CELSR1: variants seen among roughly 807,000 people sequenced by gnomAD.
CELSR1 encodes adhesion G protein-coupled receptor C1.
A neutral mutation model predicts 249.1 loss-of-function variants in CELSR1; 110 were observed. That is an observed-to-expected ratio of 0.44 (90% CI 0.38 to 0.52). CELSR1 has a LOEUF of 0.52. CELSR1 is among the 20% of genes least tolerant of loss of function. CELSR1 has a pLI of 0.00. For missense variants in CELSR1, 4,109 were observed against 4,296.4 expected, an observed-to-expected ratio of 0.96 and a Z score of 1.22; for synonymous variants, 2,113 against 1,900.0, an observed-to-expected ratio of 1.11 and a Z score of -2.92.
rs59465375 is a variant in CELSR1, at chr22:46,525,943, C to T, written c.3544+7684G>A. On this transcript the variant is annotated intron_variant, in intron 1 of 34. Coordinates refer to ENST00000674500, the MANE Select transcript of CELSR1 (RefSeq NM_001378328.1). The stretch of plus-strand genomic sequence containing the variant: ...GCGTGGCCAGCACCGCCCCTCCTGC[C>T]GGCTCCTGCCCAGGGCTTTGGGAAC... 6.0e-3 allele frequency among the ~76,000 whole-genome samples: 918 copies of T among 152,360 alleles called. 11 individuals are homozygous for T. The highest frequency in any genetic ancestry group is 0.02 in the African/African-American group (848 of 41,574).
At chr22:46,485,925 G>C (rs2080308284) in intron 1 of CELSR1, among the ~76,000 whole-genome samples, 1 of 141,576 alleles carries the variant, frequency 7.1e-6, no homozygotes, top group South Asian at 2.4e-4. Flanking sequence ...TAACCTTTCA[G>C]GTACTTTTTT....
In CELSR1 at chr22:46,402,019, C is replaced by T. The variant is rs537063702; in HGVS notation, c.5227-2117G>A. Among the ~76,000 whole-genome samples the T allele has an allele frequency of 4.0e-5, 6 of 151,870 alleles. No homozygotes were observed. The highest frequency in any genetic ancestry group is 1.9e-4 in the East Asian group (1 of 5,134). On this transcript the variant is annotated intron_variant, in intron 9 of 34. Transcript: ENST00000674500. This position sits in a 1 kb window ranked among gnomAD's most constrained non-coding sequence, Gnocchi z 5.0. Reference sequence around the variant, plus strand: ...AGGAGAATTGCTTGAACTCGGGAGGCGGAGGTAGCAGTGAACCGAGATCAC... The same window carrying T: ...AGGAGAATTGCTTGAACTCGGGAGGTGGAGGTAGCAGTGAACCGAGATCAC...
chr22:46,369,652 G>A (rs1419958137), intron 26 of CELSR1, 40 bp downstream of exon 26: 2 of 1,582,310 alleles, frequency 1.3e-6, no homozygotes, highest in Non-Finnish European at 8.7e-7. Context: ...GCTCATGCAT[G>A]TTTGGGGCAC....
chr22:46,534,358 T>G lies in CELSR1; in HGVS notation c.2813A>C (p.Asp938Ala), dbSNP rs749389671. Residue 938 changes from aspartate to alanine, a missense_variant, in exon 1 of 35, where the codon GAT (aspartate) becomes GCT (alanine). Physicochemically the swap from Asp to Ala is moderately radical, Grantham distance 126. Around this residue, in one of 7 missense-constraint regions of CELSR1, gnomAD observed 886 missense variants for 896.5 expected, o/e 0.99. Transcript: ENST00000674500. This position sits in a 1 kb window ranked among gnomAD's most constrained non-coding sequence, Gnocchi z 9.7. ...CGTGGGCTCGATGTAGAAGTCCCCATCGCCGTCGTCCCCACCCTGGAAGGT... is the reference window on the plus strand; with the variant it reads ...CGTGGGCTCGATGTAGAAGTCCCCAGCGCCGTCGTCCCCACCCTGGAAGGT... ...LYTFQGGDDG[D>A]GDFYIEPTSG... 1 of 1,612,792 alleles carries G rather than the reference T, an allele frequency of 6.2e-7. No homozygotes were observed. The highest frequency in any genetic ancestry group is 8.5e-7 in the Non-Finnish European group (1 of 1,180,026).
chr22:46,399,694 A>T lies in CELSR1; in HGVS notation c.5412+23T>A, dbSNP rs1279379535. On this transcript the variant is annotated intron_variant, in intron 10 of 34. Transcript: ENST00000674500. This position sits in a 1 kb window ranked among gnomAD's most constrained non-coding sequence, Gnocchi z 5.0. ...GGCCGGAGGAAGGGTCTATCCCCAG[A>T]GGAGGTGCAGGTGCCAGCTCACCTG... is the stretch of plus-strand genomic sequence containing the variant. 6.2e-7 allele frequency: 1 copy of T among 1,611,776 alleles called. No individual in the cohort carries two copies. The highest frequency in any genetic ancestry group is 8.5e-7 in the Non-Finnish European group (1 of 1,177,948).
chr22:46,367,184 C>A (rs866228709), intron 28 of CELSR1, 66 bp from the exon 29 acceptor site: 4 of 1,565,266 alleles, frequency 2.6e-6, no homozygotes, highest in African/African-American at 2.7e-5. Context: ...TTAGGCGCCC[C>A]AGCACAGATG....
At position 46,398,737 on chromosome 22, in the gene CELSR1, C is replaced by T; in HGVS notation, c.5413-100G>A. The T allele has an allele frequency of 1.1e-6, 1 of 882,198 alleles. No individual in the cohort carries two copies. The highest frequency in any genetic ancestry group is 1.7e-6 in the Non-Finnish European group (1 of 578,186). 54.6% of individuals were successfully genotyped at this position (882,198 alleles called of 1,614,324 possible). A position where few individuals can be genotyped will look rare whatever the true frequency, so the allele number is the denominator to read the frequency against. Reference sequence around the variant, plus strand: ...ACACTGGAAGTCTAAACAGTCACTTCAACAAACTCCGCAGAGCCTGAGGAC... The same window carrying T: ...ACACTGGAAGTCTAAACAGTCACTTTAACAAACTCCGCAGAGCCTGAGGAC... On this transcript the variant is annotated intron_variant, in intron 10 of 34. Transcript: ENST00000674500. This position sits in a 1 kb window ranked among gnomAD's most constrained non-coding sequence, Gnocchi z 7.2.
At position 46,367,674 on chromosome 22, in the gene CELSR1, G is replaced by A. The variant is rs1358164992; in HGVS notation, c.8079+55C>T. The A allele has an allele frequency of 2.8e-5, 44 of 1,558,198 alleles. No individual in the cohort carries two copies. The South Asian group carries it at 3.2e-4, about 11-fold the overall frequency. On this transcript the variant is annotated intron_variant, in intron 28 of 34. Coordinates refer to ENST00000674500, the MANE Select transcript of CELSR1 (RefSeq NM_001378328.1). The stretch of plus-strand genomic sequence containing the variant: ...GGCCTCCACTGCTTCGCATCACAGC[G>A]ATGGTGTCACGGCGGCCAGGCAGGG...
chr22:46,503,328 G>C (rs1230458094), intron 1 of CELSR1, among the ~76,000 whole-genome samples: 2 of 152,230 alleles, frequency 1.3e-5, no homozygotes, highest in Admixed American at 1.3e-4. Flanking sequence ...TACCAGGGCA[G>C]CTGAGAGGGT....
intron 1 of CELSR1, among the ~76,000 whole-genome samples, chr22:46,479,757 G>A (rs1304863387): frequency 6.6e-6 from 1 of 152,202 alleles, no homozygotes; most frequent in Non-Finnish European, 1.5e-5. Context: ...AGAATACAAT[G>A]AGGTTGCTAT....
intron 1 of CELSR1, among the ~76,000 whole-genome samples, chr22:46,476,767 A>T (rs1447404018): frequency 6.6e-6 from 1 of 152,046 alleles, no homozygotes; most frequent in Non-Finnish European, 1.5e-5. Flanking sequence ...TGCCAAGCGC[A>T]AGGGGCAAGA....
Position 46,411,790 on chromosome 22 carries a change from G to A in CELSR1, c.4612-31C>T. 1 of 1,612,726 alleles carries A rather than the reference G, an allele frequency of 6.2e-7. No individual in the cohort carries two copies. Among genetic ancestry groups the A allele is most frequent in the South Asian group, 1.1e-5 (1 of 91,076 alleles). On this transcript the variant is annotated intron_variant, in intron 5 of 34. Transcript: ENST00000674500. The surrounding 1 kb of genome is among the most constrained non-coding windows in gnomAD (Gnocchi z 4.2). ...AGAAGAGAAAGCACAGAAGGTGTCA[G>A]CGTTTTCTCCACCAGTGCCCTCAGC...
chr22:46,400,027 G>T, intron 9 of CELSR1, 125 bp from the exon 10 acceptor site: 2 of 1,056,672 alleles, frequency 1.9e-6, no homozygotes, highest in South Asian at 3.3e-5. Context: ...TACAAGATAG[G>T]CTTAAAAATT....
intron 3 of CELSR1, among the ~76,000 whole-genome samples, chr22:46,438,053 C>T (rs557274825): frequency 1.3e-5 from 2 of 152,188 alleles, no homozygotes; most frequent in African/African-American, 2.4e-5. Context: ...CAGTCCTGCA[C>T]GGCCCCCCTG....
intron 9 of CELSR1, among the ~76,000 whole-genome samples, chr22:46,404,343 C>G (rs1167681874): frequency 1.3e-5 from 2 of 151,378 alleles, no homozygotes; most frequent in Non-Finnish European, 2.9e-5. Flanking sequence ...ACCTGGGAGG[C>G]AGAGGTTGCA....
chr22:46,389,629 A>G (rs1012545603), intron 17 of CELSR1, 130 bp from the exon 18 acceptor site: 7 of 1,045,752 alleles, frequency 6.7e-6, no homozygotes, highest in Non-Finnish European at 9.8e-6. Flanking sequence ...AAAATCCAAA[A>G]GCCTGGCTGG....
At chr22:46,425,455 C>G (rs1310487081) in intron 5 of CELSR1, among the ~76,000 whole-genome samples, 1 of 152,178 alleles carries the variant, frequency 6.6e-6, no homozygotes, top group African/African-American at 2.4e-5. Context: ...AATTCTATTT[C>G]CTCAATAGTG....
intron 1 of CELSR1, among the ~76,000 whole-genome samples, chr22:46,528,821 C>A (rs924484165): frequency 9.9e-5 from 15 of 151,138 alleles, no homozygotes; most frequent in Admixed American, 2.6e-4. Flanking sequence ...CCCAGCTACT[C>A]GGGAGGCTGA....
At chr22:46,509,908 G>A (rs1044324940) in intron 1 of CELSR1, among the ~76,000 whole-genome samples, 3 of 152,214 alleles carry the variant, frequency 2.0e-5, no homozygotes, top group Non-Finnish European at 2.9e-5. Flanking sequence ...AGTGAGGAAC[G>A]AAAGACACGA....
Sources: gnomAD v4.1 joint callset for allele counts (sites outside exome capture counted in the v4.1 genomes callset) on GRCh38, gnomAD v4.1.1 for gene constraint, gnomAD v4.1.1 regional missense constraint, Gnocchi (gnomAD v3.1) non-coding constraint, MANE v1.5 for transcripts, NCBI Gene and HGNC (gene_info 2026-07-23, HGNC 2026-07-21) for gene names.